NRXN3: variants seen among roughly 807,000 people sequenced by gnomAD.
The protein encoded by NRXN3 is neurexin III.
Under a neutral mutation model 137.6 loss-of-function variants are expected in NRXN3, and 32 were observed. The observed-to-expected ratio is 0.23, with a 90% CI of 0.18 to 0.31. NRXN3 has a LOEUF of 0.31. Ranked by LOEUF, NRXN3 falls within the 10% of genes least tolerant of loss-of-function variation. The pLI, the probability that NRXN3 is intolerant of heterozygous loss-of-function variation, is 1.00. For synonymous variants in NRXN3, 798 were observed against 784.5 expected (o/e 1.02, Z -0.29); for missense variants, 1,574 against 2,062.5 (o/e 0.76, Z 4.59).
intron 10 of NRXN3, among the ~76,000 whole-genome samples, chr14:78,855,006 A>G (rs919352970): frequency 6.6e-6 from 1 of 152,124 alleles, no homozygotes; most frequent in Non-Finnish European, 1.5e-5. Flanking sequence ...TCTACTAAAA[A>G]TACAAAAATT....
chr14:78,677,614 A>G (rs1209998807), intron 6 of NRXN3, among the ~76,000 whole-genome samples: 3 of 152,178 alleles, frequency 2.0e-5, no homozygotes, highest in African/African-American at 4.8e-5. Flanking sequence ...GACTTAGAAT[A>G]TTACATAACT....
chr14:78,174,306 A>G (rs2059053350), intron 1 of NRXN3, among the ~76,000 whole-genome samples: 1 of 152,076 alleles, frequency 6.6e-6, no homozygotes, highest in Non-Finnish European at 1.5e-5. Flanking sequence ...CCCCATACAC[A>G]TGTGTACACT....
At chr14:78,270,489 G>C (rs1392521901) in intron 2 of NRXN3, among the ~76,000 whole-genome samples, 1 of 152,184 alleles carries the variant, frequency 6.6e-6, no homozygotes, top group Non-Finnish European at 1.5e-5. Flanking sequence ...ACTTTCCCAA[G>C]GCCCTCACCC....
intron 19 of NRXN3, among the ~76,000 whole-genome samples, chr14:79,715,054 C>G (rs372524934): frequency 1.3e-5 from 2 of 152,060 alleles, no homozygotes; most frequent in African/African-American, 4.8e-5. Context: ...CCCAGGTTCA[C>G]GCCATTCTCC....
intron 15 of NRXN3, among the ~76,000 whole-genome samples, chr14:79,450,859 CTG>C (rs1488084129): frequency 1.3e-5 from 2 of 149,856 alleles, no homozygotes; most frequent in Non-Finnish European, 3.0e-5. Flanking sequence ...GAGTGAGACT[CTG>C]TCTCAAAAAA....
At chr14:78,421,762 C>T (rs1024484858) in intron 4 of NRXN3, among the ~76,000 whole-genome samples, 5 of 152,066 alleles carry the variant, frequency 3.3e-5, no homozygotes, top group East Asian at 1.9e-4. Flanking sequence ...TGAGCTCATG[C>T]GATCTGCCCT....
intron 19 of NRXN3, among the ~76,000 whole-genome samples, chr14:79,703,556 A>G (rs1156786974): frequency 6.6e-6 from 1 of 152,134 alleles, no homozygotes; most frequent in Non-Finnish European, 1.5e-5. Context: ...ATTGACTCAC[A>G]GTTCCGTATG....
intron 10 of NRXN3, among the ~76,000 whole-genome samples, chr14:78,846,316 G>C (rs540485137): frequency 5.5e-4 from 83 of 152,184 alleles, no homozygotes; most frequent in Non-Finnish European, 9.4e-4. Flanking sequence ...CATTTCCTCT[G>C]TCTCCTGGGA....
At position 79,385,216 on chromosome 14, in the gene NRXN3, C is replaced by CT. The variant is rs1184863264; in HGVS notation, c.3263-82005_3263-82004insT. Among the ~76,000 whole-genome samples the CT allele has an allele frequency of 3.1e-5, 4 of 127,188 alleles. 1 individual carries two copies. The South Asian group carries it at 1.3e-3, about 42-fold the overall frequency. 83.4% of individuals were successfully genotyped at this position (127,188 alleles called of 152,430 possible). On this transcript the variant is annotated intron_variant, in intron 15 of 20. Coordinates refer to ENST00000335750, the MANE Select transcript of NRXN3 (RefSeq NM_001330195.2). ...CCAATGCTATCCTTCCCCCCGCCCC[C>CT]ACCCCACCACAGTCCCCAGAGTGTG...
chr14:79,122,359 C>T (rs2055598141), intron 15 of NRXN3, among the ~76,000 whole-genome samples: 1 of 152,164 alleles, frequency 6.6e-6, no homozygotes, highest in Non-Finnish European at 1.5e-5. Flanking sequence ...CATGTTCTGA[C>T]TTTGGCTGAC....
At chr14:79,804,395 G>T (rs947361774) in intron 19 of NRXN3, among the ~76,000 whole-genome samples, 5 of 152,104 alleles carry the variant, frequency 3.3e-5, no homozygotes, top group African/African-American at 9.7e-5. Flanking sequence ...GGACTGGGGA[G>T]TTTCTGCGAG....
At chr14:78,556,127 A>AT (rs2096734601) in intron 4 of NRXN3, among the ~76,000 whole-genome samples, 1 of 152,142 alleles carries the variant, frequency 6.6e-6, no homozygotes, top group Non-Finnish European at 1.5e-5. Flanking sequence ...GGTTCAGACC[A>AT]TTTTCCAAGG....
chr14:79,517,384 C>G (rs975391392), intron 16 of NRXN3, among the ~76,000 whole-genome samples: 4 of 152,082 alleles, frequency 2.6e-5, no homozygotes, highest in African/African-American at 9.7e-5. Flanking sequence ...ATATGGGATG[C>G]AAATATCCTT....
intron 15 of NRXN3, among the ~76,000 whole-genome samples, chr14:79,317,881 G>A (rs924820149): frequency 2.0e-5 from 3 of 152,056 alleles, no homozygotes; most frequent in Non-Finnish European, 4.4e-5. Flanking sequence ...ATTGGGAGTG[G>A]GCTGAATCCA....
chr14:78,553,876 A>G (rs2096715110), intron 4 of NRXN3, among the ~76,000 whole-genome samples: 1 of 152,190 alleles, frequency 6.6e-6, no homozygotes, highest in Admixed American at 6.5e-5. Flanking sequence ...CTACCAGGCA[A>G]TAAGGTGGAG....
chr14:78,336,791 C>G (rs752906347), intron 4 of NRXN3, among the ~76,000 whole-genome samples: 2 of 152,098 alleles, frequency 1.3e-5, no homozygotes, highest in South Asian at 2.1e-4. Flanking sequence ...CTTATCTGCT[C>G]TCCTATGAGA....
chr14:79,776,943 G>A (rs2099099000), intron 19 of NRXN3, among the ~76,000 whole-genome samples: 1 of 152,142 alleles, frequency 6.6e-6, no homozygotes, highest in African/African-American at 2.4e-5. Context: ...ATGATAGTGG[G>A]GCTGATAGGC....
At chr14:79,681,443 T>C (rs2098669719) in intron 17 of NRXN3, among the ~76,000 whole-genome samples, 1 of 152,168 alleles carries the variant, frequency 6.6e-6, no homozygotes, top group South Asian at 2.1e-4. Flanking sequence ...ATGATCTTGA[T>C]GGCCTCATGT....
chr14:78,810,168 C>A (rs1186343628), intron 9 of NRXN3, 150 bp from the exon 10 acceptor site: 4 of 595,740 alleles, frequency 6.7e-6, no homozygotes, highest in Non-Finnish European at 1.2e-5. Context: ...ATACACCCAC[C>A]CTTAAACTTG....
Sources: gnomAD v4.1 joint callset for allele counts (sites outside exome capture counted in the v4.1 genomes callset) on GRCh38, gnomAD v4.1.1 for gene constraint, MANE v1.5 for transcripts, NCBI Gene and HGNC (gene_info 2026-07-23, HGNC 2026-07-21) for gene names.